SCGB2B2: variants seen among roughly 807,000 people sequenced by gnomAD.
The protein encoded by SCGB2B2 is secretoglobin-like protein.
Under a neutral mutation model 7.6 loss-of-function variants are expected in SCGB2B2, and 11 were observed. The observed-to-expected ratio is 1.45, with a 90% CI of 0.91 to 2.40. The LOEUF is 2.40. Ranked by LOEUF, SCGB2B2 falls within the 30% of genes most tolerant of loss-of-function variation. The pLI is 0.00. For synonymous variants in SCGB2B2, 50 were observed against 48.6 expected (o/e 1.03, Z -0.12); for missense variants, 104 against 115.4 (o/e 0.90, Z 0.45).
chr19:34,597,268 C>T (rs1383468742), intron 1 of SCGB2B2, among the ~76,000 whole-genome samples: 1 of 152,156 alleles, frequency 6.6e-6, no homozygotes, highest in African/African-American at 2.4e-5. Context: ...ACAAGAGCCA[C>T]CATGCCCACC....
chr19:34,635,939 G>A (rs990762315), intron 1 of SCGB2B2, among the ~76,000 whole-genome samples: 5 of 152,164 alleles, frequency 3.3e-5, no homozygotes, highest in African/African-American at 1.2e-4. Flanking sequence ...TCTCCCACAT[G>A]CCCCCCGTGT....
chr19:34,592,554 G>A lies in SCGB2B2; in HGVS notation c.*1001C>T, dbSNP rs1211731842. Among the ~76,000 whole-genome samples, 2 of 152,080 alleles carry A rather than the reference G, an allele frequency of 1.3e-5. No homozygotes were observed. The highest frequency in any genetic ancestry group is 4.8e-5 in the African/African-American group (2 of 41,400). ...AGGGGTAGGCGACCACCGCCTGGGA[G>A]GTCCAAGGAGCCTGCGGAAAGGGCT... On this transcript the variant is annotated 3_prime_UTR_variant, in exon 4 of 4. Coordinates refer to ENST00000601241, the MANE Select transcript of SCGB2B2 (RefSeq NM_001025591.4).
intron 1 of SCGB2B2, among the ~76,000 whole-genome samples, chr19:34,600,909 T>C (rs2065603890): frequency 9.4e-6 from 1 of 105,970 alleles, no homozygotes; most frequent in Non-Finnish European, 1.8e-5. Flanking sequence ...ATATTTCTGC[T>C]CGGGGTGTGG....
At chr19:34,642,423 G>A (rs2066868698) in intron 1 of SCGB2B2, among the ~76,000 whole-genome samples, 1 of 152,106 alleles carries the variant, frequency 6.6e-6, no homozygotes, top group Non-Finnish European at 1.5e-5. Flanking sequence ...CCCATTAAAT[G>A]TGGGCAAAGG....
At chr19:34,666,336 A>G (rs2067620959) in intron 1 of SCGB2B2, among the ~76,000 whole-genome samples, 1 of 151,982 alleles carries the variant, frequency 6.6e-6, no homozygotes, top group South Asian at 2.1e-4. Flanking sequence ...CTCAGGTACC[A>G]AACACCCCAC....
chr19:34,594,036 A>C, intron 3 of SCGB2B2, 139 bp downstream of exon 3: 1 of 682,664 alleles, frequency 1.5e-6, no homozygotes, highest in Non-Finnish European at 2.5e-6. Flanking sequence ...CAGGTGGGGA[A>C]CTTCATCTGA....
At chr19:34,656,370 G>A (rs566639228) in intron 1 of SCGB2B2, among the ~76,000 whole-genome samples, 47 of 151,446 alleles carry the variant, frequency 3.1e-4, no homozygotes, top group African/African-American at 1.1e-3. Flanking sequence ...CTGGGAGGCC[G>A]AGGTGGGCAG....
chr19:34,615,328 T>C (rs548072720), intron 1 of SCGB2B2, among the ~76,000 whole-genome samples: 2 of 152,214 alleles, frequency 1.3e-5, no homozygotes, highest in African/African-American at 4.8e-5. Flanking sequence ...GTGTCCAATA[T>C]GTTGATGGGG....
chr19:34,620,543 C>A (rs1439586603), intron 1 of SCGB2B2, among the ~76,000 whole-genome samples: 1 of 150,654 alleles, frequency 6.6e-6, no homozygotes. Context: ...GGAGGGATTG[C>A]ATTAGGAGAT....
chr19:34,625,246 T>A (rs1159056170), intron 1 of SCGB2B2, among the ~76,000 whole-genome samples: 1 of 152,108 alleles, frequency 6.6e-6, no homozygotes, highest in Non-Finnish European at 1.5e-5. Flanking sequence ...CGGGTTCATC[T>A]CACTGTGGAG....
chr19:34,643,405 T>C (rs2066900299), intron 1 of SCGB2B2, among the ~76,000 whole-genome samples: 1 of 152,060 alleles, frequency 6.6e-6, no homozygotes, highest in Non-Finnish European at 1.5e-5. Context: ...GGATAGACAC[T>C]ACAGGCTGGG....
At chr19:34,618,632 T>C (rs77594511) in intron 1 of SCGB2B2, among the ~76,000 whole-genome samples, 7,493 of 152,300 alleles carry the variant, frequency 0.049, 302 homozygotes, top group South Asian at 0.18. Flanking sequence ...TACATCTTTT[T>C]AACAAAAGTC....
intron 1 of SCGB2B2, among the ~76,000 whole-genome samples, chr19:34,656,985 G>A (rs1364506831): frequency 1.3e-5 from 2 of 151,182 alleles, no homozygotes; most frequent in Non-Finnish European, 2.9e-5. Flanking sequence ...AATATATGAA[G>A]ATTGAGGAGG....
rs146638961 is a variant in SCGB2B2, at chr19:34,636,264, C to A, written c.-2032+39366G>T. Among the ~76,000 whole-genome samples the A allele has an allele frequency of 3.1e-3, 479 of 152,258 alleles. 1 individual carries two copies. Among genetic ancestry groups the A allele is most frequent in the African/African-American group, 0.011 (453 of 41,530 alleles). On this transcript the variant is annotated intron_variant, in intron 1 of 3. Coordinates refer to ENST00000601241, the MANE Select transcript of SCGB2B2 (RefSeq NM_001025591.4). The stretch of plus-strand genomic sequence containing the variant: ...AGTGTGTGTCTTACAAATGCAGGAA[C>A]AAGTACACAGGACTCTTGGGGGGCT...
chr19:34,666,577 A>G (rs983510698), intron 1 of SCGB2B2, among the ~76,000 whole-genome samples: 1 of 146,966 alleles, frequency 6.8e-6, no homozygotes, highest in Admixed American at 6.7e-5. Context: ...CAGAAACTCC[A>G]CCTCTCCCCG....
rs150019399 is a variant in SCGB2B2, at chr19:34,653,129, T to C, written c.-2032+22501A>G. On this transcript the variant is annotated intron_variant, in intron 1 of 3. Coordinates refer to ENST00000601241, the MANE Select transcript of SCGB2B2 (RefSeq NM_001025591.4). ...ACAGAAGGATGAATCCTATGTGTTC[T>C]CACTCACATGTGGAAGTAAAAAAGC... Among the ~76,000 whole-genome samples, 151 of 151,462 alleles carry C rather than the reference T, an allele frequency of 1.0e-3. No individual in the cohort carries two copies. In the East Asian group the frequency reaches 0.022, roughly 22 times the overall value.
intron 1 of SCGB2B2, among the ~76,000 whole-genome samples, chr19:34,611,654 T>G (rs1174207429): frequency 0.053 from 4 of 76 alleles, no homozygotes; most frequent in African/African-American, 0.053. Flanking sequence ...AAATTTACTA[T>G]TTTTTTTTTT....
intron 1 of SCGB2B2, among the ~76,000 whole-genome samples, chr19:34,655,415 A>G (rs117141167): frequency 0.01 from 1,579 of 151,378 alleles, 24 homozygotes; most frequent in South Asian, 0.06. Flanking sequence ...TTTATTGACA[A>G]TAACTCTTTG....
intron 1 of SCGB2B2, among the ~76,000 whole-genome samples, chr19:34,607,739 A>G (rs149533060): frequency 1.3e-5 from 2 of 152,252 alleles, no homozygotes; most frequent in South Asian, 2.1e-4. Flanking sequence ...GGTCATTTGT[A>G]TATCTTTTTA....
Sources: allele counts gnomAD v4.1 joint callset (sites outside exome capture counted in the v4.1 genomes callset), GRCh38; gene constraint gnomAD v4.1.1; transcripts MANE v1.5; gene names NCBI Gene and HGNC (gene_info 2026-07-23, HGNC 2026-07-21).